The following EBF1 variants were observed in gnomAD, a reference collection of about 807,000 sequenced individuals.
EBF1 encodes the protein EBF transcription factor 1.
A neutral mutation model predicts 68.4 loss-of-function variants in EBF1; 10 were observed. The observed-to-expected ratio is 0.15, with a 90% CI of 0.09 to 0.25. The LOEUF (loss-of-function observed/expected upper bound fraction) is 0.25. Ranked by LOEUF, EBF1 falls within the 10% of genes least tolerant of loss-of-function variation. The pLI is 1.00. For missense variants in EBF1, 509 were observed against 794.4 expected (o/e 0.64, Z 4.32); for synonymous variants, 298 against 299.8 (o/e 0.99, Z 0.06).
chr5:158,910,563 AT>A (rs1157686905), intron 6 of EBF1, among the ~76,000 whole-genome samples: 1 of 152,316 alleles, frequency 6.6e-6, no homozygotes, highest in Non-Finnish European at 1.5e-5. Context: ...AGCAAAGATG[AT>A]TTTTTTAAAC....
chr5:159,096,394 C>T lies in EBF1; in HGVS notation c.304G>A (p.Glu102Lys), dbSNP rs759525156. ...FVEKEKEANS[E>K]KTNNGIHYRL... ...TAGTGAATTCCGTTATTGGTCTTTT[C>T]GCTGTTGGCTTCCTGGGTTGCATCA... Residue 102 changes from glutamate (E) to lysine (K), a missense_variant, in exon 3 of 16, where the codon GAA (glutamate) becomes AAA (lysine). Around this residue, in one of 3 missense-constraint regions of EBF1, gnomAD observed 230 missense variants for 467.7 expected, o/e 0.49. Transcript: ENST00000313708. 8 of 1,613,588 alleles carry T rather than the reference C, an allele frequency of 5.0e-6. No homozygotes were observed.
At chr5:158,914,803 T>C (rs1806804297) in intron 6 of EBF1, among the ~76,000 whole-genome samples, 1 of 152,208 alleles carries the variant, frequency 6.6e-6, no homozygotes, top group Non-Finnish European at 1.5e-5. Flanking sequence ...AAGCACGTTC[T>C]GGTTTTTCAC....
chr5:159,008,268 G>T (rs1350521024), intron 6 of EBF1, among the ~76,000 whole-genome samples: 2 of 152,152 alleles, frequency 1.3e-5, no homozygotes, highest in Non-Finnish European at 2.9e-5. Context: ...AGCAACAGTT[G>T]AAGATTTATA....
chr5:159,046,832 A>G (rs1772504835), intron 6 of EBF1, among the ~76,000 whole-genome samples: 2 of 152,202 alleles, frequency 1.3e-5, no homozygotes, highest in East Asian at 1.9e-4. Flanking sequence ...GCCAATTTCT[A>G]TGGTGTAAAT....
intron 1 of EBF1, 109 bp from the exon 2 acceptor site, chr5:159,097,239 A>G: frequency 7.7e-7 from 1 of 1,294,116 alleles, no homozygotes; most frequent in Non-Finnish European, 1.0e-6. Flanking sequence ...TCTTCCCCCA[A>G]AACATCCAGT....
intron 6 of EBF1, among the ~76,000 whole-genome samples, chr5:158,923,235 T>A (rs1005080712): frequency 6.6e-6 from 1 of 152,200 alleles, no homozygotes; most frequent in African/African-American, 2.4e-5. Context: ...GGGGTAAAAT[T>A]TTTTTAAAGA....
chr5:158,882,077 G>A (rs1164688861), intron 6 of EBF1, among the ~76,000 whole-genome samples: 3 of 152,188 alleles, frequency 2.0e-5, no homozygotes, highest in Admixed American at 1.3e-4. Context: ...AAGGATTATT[G>A]TTTGCTGAGA....
chr5:158,987,896 C>T (rs1583695021), intron 6 of EBF1, among the ~76,000 whole-genome samples: 1 of 152,282 alleles, frequency 6.6e-6, no homozygotes, highest in East Asian at 1.9e-4. Flanking sequence ...AAGTCAAAGG[C>T]CTAGATCCCC....
intron 7 of EBF1, among the ~76,000 whole-genome samples, chr5:158,831,693 G>A (rs1227654325): frequency 6.6e-6 from 1 of 152,126 alleles, no homozygotes; most frequent in South Asian, 2.1e-4. Flanking sequence ...GAAGAAATGG[G>A]GTTTCGCCAT....
chr5:158,776,627 C>T (rs563289379), intron 10 of EBF1, among the ~76,000 whole-genome samples: 2 of 152,214 alleles, frequency 1.3e-5, no homozygotes, highest in South Asian at 4.2e-4. Context: ...AAGCAGAGGG[C>T]CCAGAACCGC....
intron 8 of EBF1, among the ~76,000 whole-genome samples, chr5:158,816,973 TG>T (rs144050519): frequency 0.04 from 6,067 of 152,258 alleles, 178 homozygotes; most frequent in Non-Finnish European, 0.067. Context: ...AAACTTGCCC[TG>T]GGCTTTCACC....
intron 6 of EBF1, among the ~76,000 whole-genome samples, chr5:158,871,546 G>T (rs1414537973): frequency 6.6e-6 from 1 of 152,166 alleles, no homozygotes; most frequent in Admixed American, 6.5e-5. Context: ...GCAGAAATAA[G>T]AAATGTTTAA....
intron 6 of EBF1, among the ~76,000 whole-genome samples, chr5:158,866,336 G>A (rs1171659940): frequency 1.3e-5 from 2 of 152,202 alleles, no homozygotes; most frequent in African/African-American, 4.8e-5. Context: ...GGAGTAGAAA[G>A]TCAAGGCTGG....
At chr5:159,064,828 G>A (rs950668664) in intron 6 of EBF1, among the ~76,000 whole-genome samples, 2 of 150,988 alleles carry the variant, frequency 1.3e-5, no homozygotes, top group Non-Finnish European at 2.9e-5. Context: ...AGATAACCAG[G>A]TGAACCCTTA....
At chr5:158,908,725 T>C (rs1488853398) in intron 6 of EBF1, among the ~76,000 whole-genome samples, 3 of 152,242 alleles carry the variant, frequency 2.0e-5, no homozygotes, top group Non-Finnish European at 4.4e-5. Flanking sequence ...ATTATGTTAA[T>C]TGGGTGTTCC....
chr5:159,046,460 G>T (rs896946343), intron 6 of EBF1, among the ~76,000 whole-genome samples: 7 of 152,160 alleles, frequency 4.6e-5, no homozygotes, highest in African/African-American at 1.4e-4. Context: ...ATGTGTAAGA[G>T]CCATGGGCCT....
At chr5:158,814,127 C>T (rs1452205806) in intron 8 of EBF1, among the ~76,000 whole-genome samples, 1 of 152,176 alleles carries the variant, frequency 6.6e-6, no homozygotes, top group African/African-American at 2.4e-5. Flanking sequence ...GATGTAATTG[C>T]TTAAGCCCGG....
intron 9 of EBF1, among the ~76,000 whole-genome samples, chr5:158,790,478 C>G (rs1202399121): frequency 6.6e-6 from 1 of 151,704 alleles, no homozygotes; most frequent in Non-Finnish European, 1.5e-5. Context: ...ACCAATATAT[C>G]TCCCTGTAAG....
intron 6 of EBF1, among the ~76,000 whole-genome samples, chr5:159,012,305 G>C (rs1764832268): frequency 6.6e-6 from 1 of 151,028 alleles, no homozygotes; most frequent in Admixed American, 6.6e-5. Flanking sequence ...AAAGAAAAAA[G>C]AAAAGAAAAG....
Sources: allele counts gnomAD v4.1 joint callset (sites outside exome capture counted in the v4.1 genomes callset), GRCh38; gene constraint gnomAD v4.1.1; regional missense constraint gnomAD v4.1.1; transcripts MANE v1.5; gene names NCBI Gene and HGNC (gene_info 2026-07-23, HGNC 2026-07-21).